TMEM17: variants seen among roughly 807,000 people sequenced by gnomAD.
TMEM17 encodes transmembrane protein 17.
In TMEM17, 15 loss-of-function variants were observed where a neutral mutation model predicts 19.1. That is an observed-to-expected ratio of 0.78 (90% confidence interval 0.52 to 1.21). The LOEUF (loss-of-function observed/expected upper bound fraction) is 1.21, where lower values mean the gene tolerates loss of function less well. Among genes scored for constraint, TMEM17 ranks in the 50% most tolerant of loss-of-function variants. The pLI is 0.00. For missense variants in TMEM17, 245 were observed against 242.3 expected, an observed-to-expected ratio of 1.01 and a Z score of -0.07; for synonymous variants, 103 against 86.9, an observed-to-expected ratio of 1.19 and a Z score of -1.03.
chr2:62,479,323 T>C, the TMEM17 span, among the ~76,000 whole-genome samples: 1 of 151,936 alleles, frequency 6.6e-6, no homozygotes, highest in South Asian at 2.1e-4. Flanking sequence ...GCAGGGAGAG[T>C]GTTTAACTTT....
the TMEM17 span, among the ~76,000 whole-genome samples, chr2:62,456,153 C>T: frequency 3.9e-5 from 6 of 152,192 alleles, no homozygotes; most frequent in Non-Finnish European, 8.8e-5. Context: ...CATGTATTAG[C>T]GTCCTGTGGC....
At chr2:62,492,990 A>G in the TMEM17 span, among the ~76,000 whole-genome samples, 1 of 151,988 alleles carries the variant, frequency 6.6e-6, no homozygotes, top group Non-Finnish European at 1.5e-5. Context: ...CAGGCTAGGG[A>G]GTTTGGGTGT....
chr2:62,457,778 TTTTATCTGTGGCC>T, the TMEM17 span, among the ~76,000 whole-genome samples: 1 of 152,176 alleles, frequency 6.6e-6, no homozygotes, highest in African/African-American at 2.4e-5. This position sits in a 1 kb window ranked among gnomAD's most constrained non-coding sequence, Gnocchi z 4.2. Context: ...GCGCTCTCAC[TTTTATCTGTGGCC>T]TGGCCTGAGC....
At chr2:62,488,947 A>G in the TMEM17 span, among the ~76,000 whole-genome samples, 1 of 152,140 alleles carries the variant, frequency 6.6e-6, no homozygotes, top group East Asian at 1.9e-4. Context: ...TCAATAATAC[A>G]GGGATGTAGG....
rs1305073897 is a variant in TMEM17, at chr2:62,501,121, C to T, written c.*88G>A. The stretch of plus-strand genomic sequence containing the variant: ...GAGCATATACAATTCAAAACACTTG[C>T]TTTGTCCCTTTTCTCAGAGCTCTGA... On this transcript the variant is annotated 3_prime_UTR_variant, in exon 4 of 4. Coordinates refer to ENST00000335390, the MANE Select transcript of TMEM17 (RefSeq NM_198276.3). 9 of 1,445,876 alleles carry T rather than the reference C, an allele frequency of 6.2e-6. No individual in the cohort carries two copies. Among genetic ancestry groups the T allele is most frequent in the Non-Finnish European group, 8.4e-6 (9 of 1,066,524 alleles). The allele number at this position is 1,445,876 out of a possible 1,614,324, so 89.6% of individuals were successfully genotyped here. A position where few individuals can be genotyped will look rare whatever the true frequency, so the allele number is the denominator to read the frequency against.
At chr2:62,502,639 A>G in intron 2 of TMEM17, 52 bp downstream of exon 2, 1 of 1,481,226 alleles carries the variant, frequency 6.8e-7, no homozygotes, top group Non-Finnish European at 9.2e-7. Context: ...CTTGAATTTT[A>G]TTGACACTCT....
At chr2:62,468,941 A>C in the TMEM17 span, among the ~76,000 whole-genome samples, 4 of 152,182 alleles carry the variant, frequency 2.6e-5, no homozygotes, top group South Asian at 8.3e-4. Context: ...CCCATTTCTG[A>C]ATGCAGACCA....
chr2:62,505,096 A>G (rs71422352), intron 1 of TMEM17, among the ~76,000 whole-genome samples: 1 of 152,180 alleles, frequency 6.6e-6, no homozygotes, highest in Non-Finnish European at 1.5e-5. Flanking sequence ...CAAGTGATCA[A>G]GGTGACAAAA....
At chr2:62,488,790 T>C in the TMEM17 span, among the ~76,000 whole-genome samples, 2 of 100,332 alleles carry the variant, frequency 2.0e-5, no homozygotes, top group South Asian at 7.8e-4. Context: ...TGTTTTATTC[T>C]ACTTTTTTTT....
At chr2:62,469,590 G>T in the TMEM17 span, among the ~76,000 whole-genome samples, 1 of 152,234 alleles carries the variant, frequency 6.6e-6, no homozygotes, top group Non-Finnish European at 1.5e-5. Flanking sequence ...ATTTACAGTT[G>T]TTGGTTCATC....
the TMEM17 span, among the ~76,000 whole-genome samples, chr2:62,494,695 T>C: frequency 1.3e-5 from 2 of 152,158 alleles, no homozygotes; most frequent in African/African-American, 4.8e-5. Context: ...TCTTGGTTGA[T>C]TATTGTTTTT....
chr2:62,461,022 G>A, the TMEM17 span, among the ~76,000 whole-genome samples: 1 of 152,152 alleles, frequency 6.6e-6, no homozygotes, highest in African/African-American at 2.4e-5. Context: ...TGGGGATTTG[G>A]AAGGCCCATA....
the TMEM17 span, among the ~76,000 whole-genome samples, chr2:62,465,469 G>C: frequency 6.6e-6 from 1 of 152,102 alleles, no homozygotes; most frequent in Non-Finnish European, 1.5e-5. Context: ...AAAATGAAAA[G>C]TTTCTTAAAA....
chr2:62,465,846 C>T, the TMEM17 span, among the ~76,000 whole-genome samples: 1 of 152,046 alleles, frequency 6.6e-6, no homozygotes, highest in African/African-American at 2.4e-5. Flanking sequence ...GGAAAGGTAC[C>T]CAGTACGTTT....
chr2:62,466,671 T>C, the TMEM17 span, among the ~76,000 whole-genome samples: 5 of 152,174 alleles, frequency 3.3e-5, no homozygotes, highest in African/African-American at 1.2e-4. Flanking sequence ...GGTTCCACCT[T>C]TCCAGGCAGA....
chr2:62,456,327 A>C, the TMEM17 span, among the ~76,000 whole-genome samples: 1 of 152,214 alleles, frequency 6.6e-6, no homozygotes, highest in African/African-American at 2.4e-5. Flanking sequence ...TAGCATCCAG[A>C]GCTGCAGTGT....
At chr2:62,462,949 C>T in the TMEM17 span, among the ~76,000 whole-genome samples, 1 of 152,160 alleles carries the variant, frequency 6.6e-6, no homozygotes, top group Non-Finnish European at 1.5e-5. Context: ...TTGGGTATGT[C>T]CCCACCTCTT....
At chr2:62,472,438 G>A in the TMEM17 span, among the ~76,000 whole-genome samples, 2 of 152,252 alleles carry the variant, frequency 1.3e-5, no homozygotes, top group South Asian at 2.1e-4. Context: ...AGGGAGAGAA[G>A]GATATTTATT....
the TMEM17 span, among the ~76,000 whole-genome samples, chr2:62,461,614 T>C: frequency 6.6e-6 from 1 of 152,190 alleles, no homozygotes; most frequent in African/African-American, 2.4e-5. Flanking sequence ...GGTTAAAATG[T>C]GGCCCAGGAC....
Sources: gnomAD v4.1 joint callset for allele counts (sites outside exome capture counted in the v4.1 genomes callset) on GRCh38, gnomAD v4.1.1 for gene constraint, Gnocchi (gnomAD v3.1) non-coding constraint, MANE v1.5 for transcripts, NCBI Gene and HGNC (gene_info 2026-07-23, HGNC 2026-07-21) for gene names.